The following PCDHA3 variants were observed in gnomAD, a reference collection of about 807,000 sequenced individuals.
PCDHA3 encodes protocadherin alpha-3.
A neutral mutation model predicts 62.2 loss-of-function variants in PCDHA3; 41 were observed. The ratio of observed to expected loss-of-function variants is 0.66; its 90% CI spans 0.51 to 0.86. The LOEUF (loss-of-function observed/expected upper bound fraction) is 0.86. PCDHA3 is among the 40% of genes least tolerant of loss of function. PCDHA3 has a pLI of 0.00. For synonymous variants in PCDHA3, 640 were observed against 555.4 expected, an observed-to-expected ratio of 1.15 and a Z score of -2.14; for missense variants, 1,304 against 1,241.2, an observed-to-expected ratio of 1.05 and a Z score of -0.76.
intron 1 of PCDHA3, chr5:140,883,291 A>G: frequency 6.2e-7 from 1 of 1,614,118 alleles, no homozygotes; most frequent in Non-Finnish European, 8.5e-7. Flanking sequence ...TGGAAGTACT[A>G]GATGTAAATG....
At chr5:140,842,004 T>G (rs1554138709) in intron 1 of PCDHA3, 6 of 1,613,692 alleles carry the variant, frequency 3.7e-6, no homozygotes, top group Non-Finnish European at 5.1e-6. Context: ...ACTGTTCAGC[T>G]GCTGGTCACA....
intron 1 of PCDHA3, among the ~76,000 whole-genome samples, chr5:140,915,632 CT>C (rs782761734): frequency 6.2e-5 from 9 of 144,496 alleles, no homozygotes; most frequent in Non-Finnish European, 1.3e-4. Context: ...TTCTGTCTCT[CT>C]CTCTCTCTCT....
chr5:140,869,102 C>G, intron 1 of PCDHA3: 1 of 1,598,758 alleles, frequency 6.3e-7, no homozygotes, highest in Non-Finnish European at 8.5e-7. Context: ...ATTTCGTATG[C>G]GATGTTTGGT....
intron 1 of PCDHA3, chr5:140,857,094 T>G (rs781941290): frequency 4.4e-6 from 7 of 1,596,938 alleles, no homozygotes; most frequent in Non-Finnish European, 6.0e-6. Flanking sequence ...TCACCTGAGG[T>G]GATTGTCACT....
intron 1 of PCDHA3, chr5:140,843,383 G>A (rs1778840554): frequency 6.3e-7 from 1 of 1,596,120 alleles, no homozygotes; most frequent in South Asian, 1.1e-5. Context: ...TGGCGTTTTG[G>A]GTCCGGAAGC....
At chr5:140,982,688 A>ATACATACATGATTTCCT in intron 3 of PCDHA3, 125 bp downstream of exon 3, 1 of 1,415,764 alleles carries the variant, frequency 7.1e-7, no homozygotes, top group Non-Finnish European at 9.3e-7. Flanking sequence ...CCTTTTTTCC[A>ATACATACATGATTTCCT]TACATACATG....
intron 1 of PCDHA3, among the ~76,000 whole-genome samples, chr5:140,826,609 C>T (rs2150144394): frequency 6.6e-6 from 1 of 151,782 alleles, no homozygotes; most frequent in Non-Finnish European, 1.5e-5. Flanking sequence ...AAATTAAGGG[C>T]GAAGTTGATA....
intron 1 of PCDHA3, chr5:140,830,336 T>G (rs1207479341): frequency 6.2e-7 from 1 of 1,613,688 alleles, no homozygotes; most frequent in Admixed American, 1.7e-5. Flanking sequence ...GGGGAGCTGG[T>G]CGTACTCGCA....
intron 3 of PCDHA3, among the ~76,000 whole-genome samples, chr5:141,004,729 T>A (rs782339918): frequency 6.6e-6 from 1 of 152,144 alleles, no homozygotes; most frequent in African/African-American, 2.4e-5. Context: ...TTAAATACAT[T>A]TCTCTCTTTT....
intron 1 of PCDHA3, chr5:140,850,644 C>G: frequency 6.3e-7 from 1 of 1,598,664 alleles, no homozygotes; most frequent in Non-Finnish European, 8.6e-7. Flanking sequence ...CACGCTGCTG[C>G]TGTACACTGT....
chr5:140,862,787 A>G, intron 1 of PCDHA3: 1 of 578,112 alleles, frequency 1.7e-6, no homozygotes. Context: ...CCACTGGACT[A>G]CGAGGAGCTG....
chr5:140,863,505 C>A, intron 1 of PCDHA3: 1 of 421,530 alleles, frequency 2.4e-6, no homozygotes. Flanking sequence ...GGCTTTTAGT[C>A]CTAGTGTTCT....
At chr5:140,910,074 G>T (rs2074869064) in intron 1 of PCDHA3, among the ~76,000 whole-genome samples, 1 of 152,162 alleles carries the variant, frequency 6.6e-6, no homozygotes, top group South Asian at 2.1e-4. Context: ...AGCGTAAATT[G>T]TTGTCAAGGG....
intron 1 of PCDHA3, chr5:140,835,702 G>A: frequency 6.2e-7 from 1 of 1,613,922 alleles, no homozygotes; most frequent in South Asian, 1.1e-5. Flanking sequence ...GCCACTGCTA[G>A]CGTGTCCGTG....
chr5:140,922,388 CT>C (rs1233800006), intron 1 of PCDHA3, among the ~76,000 whole-genome samples: 1 of 152,148 alleles, frequency 6.6e-6, no homozygotes, highest in Non-Finnish European at 1.5e-5. Flanking sequence ...CCAAAGACTC[CT>C]TGTTTTGGAT....
intron 1 of PCDHA3, chr5:140,841,357 G>T: frequency 6.2e-7 from 1 of 1,613,058 alleles, no homozygotes; most frequent in Non-Finnish European, 8.5e-7. Flanking sequence ...TGGGATCCTG[G>T]CGACTACTAC....
intron 1 of PCDHA3, among the ~76,000 whole-genome samples, chr5:140,820,388 C>T (rs1283833514): frequency 1.3e-5 from 2 of 151,816 alleles, no homozygotes; most frequent in African/African-American, 4.8e-5. Flanking sequence ...TTTCTTTTTT[C>T]TTATCAAGCT....
At chr5:140,856,571 G>T in intron 1 of PCDHA3, 1 of 1,597,838 alleles carries the variant, frequency 6.3e-7, no homozygotes, top group African/African-American at 1.3e-5. Context: ...CAGTCCAAAT[G>T]AGTATTTTGT....
chr5:140,889,760 A>T (rs1228592233), intron 1 of PCDHA3, among the ~76,000 whole-genome samples: 1 of 152,158 alleles, frequency 6.6e-6, no homozygotes, highest in Admixed American at 6.5e-5. Flanking sequence ...CTTTCCTTGA[A>T]CTTTGACTGG....
Sources: gnomAD v4.1 joint callset for allele counts (sites outside exome capture counted in the v4.1 genomes callset) on GRCh38, gnomAD v4.1.1 for gene constraint, MANE v1.5 for transcripts, NCBI Gene and HGNC (gene_info 2026-07-23, HGNC 2026-07-21) for gene names.